Variants in NECAB3 observed in about 807,000 individuals in gnomAD.
The protein encoded by NECAB3 is N-terminal EF-hand calcium binding protein 3, also known as N-terminal EF-hand calcium-binding protein 3.
NECAB3 carries 38 observed loss-of-function variants against 57.2 expected under a neutral mutation model. The observed-to-expected ratio is 0.66, with a 90% CI of 0.51 to 0.87. NECAB3 has a LOEUF of 0.87. NECAB3 is among the 40% of genes least tolerant of loss of function. The pLI is 0.00. For missense variants in NECAB3, 474 were observed against 527.5 expected, an observed-to-expected ratio of 0.90 and a Z score of 0.99; for synonymous variants, 223 against 222.6, an observed-to-expected ratio of 1.00 and a Z score of -0.02.
rs189690933 is a variant in NECAB3, at chr20:33,670,653, G to A, written c.263+31C>T. 7.9e-5 allele frequency: 120 copies of A among 1,514,384 alleles called. 1 individual carries two copies. In the East Asian group the frequency reaches 2.4e-3, roughly 30 times the overall value. The allele number at this position is 1,514,384 out of a possible 1,614,324, so 93.8% of individuals were successfully genotyped here. A position where few individuals can be genotyped will look rare whatever the true frequency, so the allele number is the denominator to read the frequency against. On this transcript the variant is annotated intron_variant, in intron 3 of 11. Transcript: ENST00000246190. Reference sequence around the variant, plus strand: ...AGTGGGGTAAAGACAACCTGGCCTCGCATCTACCCACGGCCCCCTCTCATA... The same window carrying A: ...AGTGGGGTAAAGACAACCTGGCCTCACATCTACCCACGGCCCCCTCTCATA...
chr20:33,663,894 A>T, intron 5 of NECAB3: 1 of 1,373,162 alleles, frequency 7.3e-7, no homozygotes, highest in Non-Finnish European at 9.3e-7. Context: ...CCGCCCAATA[A>T]AGAGTGCGTG....
intron 5 of NECAB3, chr20:33,662,435 A>G (rs1489803009): frequency 1.3e-6 from 2 of 1,551,782 alleles, no homozygotes; most frequent in Non-Finnish European, 1.7e-6. Context: ...CCTGGTGGAA[A>G]TCGTTCCTCA....
rs73261831 is a variant in NECAB3 at position 33,668,249 on chromosome 20, G to T, written c.387+1126C>A. 8.5e-4 allele frequency: 1,301 copies of T among 1,526,336 alleles called. 10 individuals are homozygous for T. In the African/African-American group the frequency reaches 0.015, roughly 17 times the overall value. The allele number at this position is 1,526,336 out of a possible 1,614,324, so 94.5% of individuals were successfully genotyped here. On this transcript the variant is annotated intron_variant, in intron 5 of 11. Coordinates refer to ENST00000246190, the MANE Select transcript of NECAB3 (RefSeq NM_031232.4). ...GTGTTCAACTGAGTCAGGCTGGACT[G>T]GGGGGGGTGGCACTGCGTTGGGGGA...
chr20:33,667,974 G>A (rs1196247500), intron 5 of NECAB3: 1 of 1,549,352 alleles, frequency 6.5e-7, no homozygotes, highest in Non-Finnish European at 8.7e-7. Flanking sequence ...GGACACGCCT[G>A]GCAGACACCG....
chr20:33,667,698 C>G (rs760711953), intron 5 of NECAB3: 1 of 1,612,170 alleles, frequency 6.2e-7, no homozygotes, highest in Admixed American at 1.7e-5. Flanking sequence ...ACCCTGACCT[C>G]TTGCAGCAGG....
Position 33,669,801 on chromosome 20 carries a change from T to G in NECAB3, c.264-89A>C, listed in dbSNP as rs142319372. 4.2e-6 allele frequency: 6 copies of G among 1,419,546 alleles called. No homozygotes were observed. In the African/African-American group the frequency reaches 5.8e-5, roughly 14 times the overall value. 87.9% of individuals were successfully genotyped at this position (1,419,546 alleles called of 1,614,324 possible). A position where few individuals can be genotyped will look rare whatever the true frequency, so the allele number is the denominator to read the frequency against. The stretch of plus-strand genomic sequence containing the variant: ...ATGCCCCACATCCCACCCCACCAAC[T>G]CCCAGCTTAGCCTAACAAGGCCACT... On this transcript the variant is annotated intron_variant, in intron 3 of 11. Transcript: ENST00000246190.
intron 5 of NECAB3, chr20:33,662,510 C>A (rs1439756228): frequency 6.5e-7 from 1 of 1,543,930 alleles, no homozygotes. Flanking sequence ...GGGGAGGCAG[C>A]TGGGGGGCAG....
intron 5 of NECAB3, chr20:33,668,078 C>T (rs1361530241): frequency 2.5e-6 from 4 of 1,586,122 alleles, no homozygotes; most frequent in Non-Finnish European, 3.4e-6. Context: ...GGCTACGCGG[C>T]CCTGCGGCCC....
Position 33,660,408 on chromosome 20 carries a change from G to T in NECAB3, c.388-13C>A. On this transcript the variant is annotated splice_polypyrimidine_tract_variant and intron_variant, in intron 5 of 11. Transcript: ENST00000246190. The surrounding 1 kb of genome is among the most constrained non-coding windows in gnomAD (Gnocchi z 4.1). ...CCCTCTCGTACTCCTGTGGGCCAAG[G>T]AGGGACGGTCAGCATCTCCCAGCCC... 1.2e-5 allele frequency: 19 copies of T among 1,611,846 alleles called. No homozygotes were observed. Among genetic ancestry groups the T allele is most frequent in the Non-Finnish European group, 1.6e-5 (19 of 1,178,614 alleles).
At chr20:33,668,532 T>C (rs1039896499) in intron 5 of NECAB3, 14 of 344,282 alleles carry the variant, frequency 4.1e-5, no homozygotes, top group South Asian at 1.2e-4. Flanking sequence ...GCCACAGATA[T>C]GGGAGTTCCT....
intron 1 of NECAB3, among the ~76,000 whole-genome samples, chr20:33,673,773 T>G (rs1331359633): frequency 2.0e-5 from 3 of 151,926 alleles, no homozygotes; most frequent in African/African-American, 7.3e-5. Context: ...CATGGCCCCA[T>G]GGGAGGGTGA....
At chr20:33,667,405 G>A in intron 5 of NECAB3, 1 of 1,400,736 alleles carries the variant, frequency 7.1e-7, no homozygotes, top group Non-Finnish European at 9.2e-7. Flanking sequence ...GCAGTGGCCC[G>A]TGCTGGTGAG....
chr20:33,659,059 G>A (rs375999231), intron 8 of NECAB3, among the ~76,000 whole-genome samples: 1 of 152,140 alleles, frequency 6.6e-6, no homozygotes, highest in South Asian at 2.1e-4. Context: ...CAAGGTGCTG[G>A]AATTACAGGC....
At chr20:33,668,514 G>C (rs2017751450) in intron 5 of NECAB3, 1 of 381,322 alleles carries the variant, frequency 2.6e-6, no homozygotes, top group Admixed American at 4.3e-5. Flanking sequence ...TGCCCCACTT[G>C]TGTCCATGCC....
At chr20:33,661,807 C>T (rs1277303897) in intron 5 of NECAB3, among the ~76,000 whole-genome samples, 1 of 152,192 alleles carries the variant, frequency 6.6e-6, no homozygotes, top group Non-Finnish European at 1.5e-5. Context: ...TGTGCCACCA[C>T]ACCTGGCTAA....
intron 5 of NECAB3, chr20:33,663,292 A>G: frequency 1.8e-6 from 1 of 558,592 alleles, no homozygotes; most frequent in East Asian, 3.3e-5. Flanking sequence ...TCAGCCTGGG[A>G]TGGATGAGGG....
rs1350221266 is a variant in NECAB3, at chr20:33,674,375, C to A, written c.-23G>T. On this transcript the variant is annotated 5_prime_UTR_variant, in exon 1 of 12. Transcript: ENST00000246190. The stretch of plus-strand genomic sequence containing the variant: ...CATGGCGCCGCCACCCGCTCGGGCT[C>A]GGCTGCGGTTGCTGCCGACCCTGGA... 2 of 1,164,120 alleles carry A rather than the reference C, an allele frequency of 1.7e-6. No homozygotes were observed. The highest frequency in any genetic ancestry group is 1.1e-6 in the Non-Finnish European group (1 of 944,558). 72.1% of individuals were successfully genotyped at this position (1,164,120 alleles called of 1,614,324 possible).
rs1216237282 is a variant in NECAB3, at chr20:33,668,025, C to A, written c.387+1350G>T. The A allele has an allele frequency of 8.4e-6, 13 of 1,543,650 alleles. No homozygotes were observed. In the East Asian group the frequency reaches 2.7e-4, roughly 32 times the overall value. ...GCTCCACACTGTTTCCTGGCTTCGC[C>A]GAGCGCCTGGACAAGGAGCTGGAGG... is the stretch of plus-strand genomic sequence containing the variant. On this transcript the variant is annotated intron_variant, in intron 5 of 11. Transcript: ENST00000246190.
chr20:33,663,553 C>T (rs2017549719), intron 5 of NECAB3: 2 of 1,611,112 alleles, frequency 1.2e-6, no homozygotes, highest in Non-Finnish European at 1.7e-6. Context: ...GCTGATTCTC[C>T]CCCTGGACAA....
Sources: allele counts gnomAD v4.1 joint callset (sites outside exome capture counted in the v4.1 genomes callset), GRCh38; gene constraint gnomAD v4.1.1; non-coding constraint Gnocchi (gnomAD v3.1); transcripts MANE v1.5; gene names NCBI Gene and HGNC (gene_info 2026-07-23, HGNC 2026-07-21).